SRGAP3: variants seen among roughly 807,000 people sequenced by gnomAD.
The protein encoded by SRGAP3 is SLIT-ROBO Rho GTPase activating protein 3.
In SRGAP3, 39 loss-of-function variants were observed where a neutral mutation model predicts 121.1. That is an observed-to-expected ratio of 0.32 (90% CI 0.25 to 0.42). The LOEUF (loss-of-function observed/expected upper bound fraction) is 0.42, where lower values mean the gene tolerates loss of function less well. Ranked by LOEUF, SRGAP3 falls within the 10% of genes least tolerant of loss-of-function variation. The pLI is 1.00. For synonymous variants in SRGAP3, 601 were observed against 570.0 expected (o/e 1.05, Z -0.77); for missense variants, 1,213 against 1,470.6 (o/e 0.82, Z 2.86).
intron 3 of SRGAP3, among the ~76,000 whole-genome samples, chr3:9,264,231 A>G (rs1053745762): frequency 6.6e-6 from 1 of 152,218 alleles, no homozygotes; most frequent in Non-Finnish European, 1.5e-5. Context: ...CAAAATAATA[A>G]GAGCTATTTA....
At chr3:9,026,856 T>G in intron 13 of SRGAP3, 79 bp downstream of exon 13, 1 of 1,508,564 alleles carries the variant, frequency 6.6e-7, no homozygotes. Context: ...CAGGACAAAT[T>G]AGAATCTCAT....
chr3:9,126,298 C>T (rs765222478), intron 1 of SRGAP3, among the ~76,000 whole-genome samples: 1 of 152,136 alleles, frequency 6.6e-6, no homozygotes. Context: ...CCCAAAATGT[C>T]GAGACATCTG....
At chr3:9,064,646 T>C (rs1343918994) in intron 4 of SRGAP3, 65 bp from the exon 5 acceptor site, 2 of 1,571,946 alleles carry the variant, frequency 1.3e-6, no homozygotes, top group African/African-American at 2.8e-5. Flanking sequence ...TCCCTGTTAC[T>C]CCTGGCTCCA....
At chr3:9,322,126 T>C (rs951164500) in intron 3 of SRGAP3, among the ~76,000 whole-genome samples, 3 of 151,716 alleles carry the variant, frequency 2.0e-5, no homozygotes, top group Admixed American at 1.3e-4. Flanking sequence ...AGGCTACTCA[T>C]TTAGCCTCTC....
intron 1 of SRGAP3, among the ~76,000 whole-genome samples, chr3:9,137,513 T>C (rs1351097744): frequency 6.6e-6 from 1 of 152,184 alleles, no homozygotes; most frequent in Non-Finnish European, 1.5e-5. Flanking sequence ...TTAATAATGA[T>C]GATGCTATCA....
At chr3:9,329,046 C>G (rs62244934) in intron 2 of SRGAP3, among the ~76,000 whole-genome samples, 42,924 of 152,038 alleles carry the variant, frequency 0.28, 7,137 homozygotes, top group East Asian at 0.54. Flanking sequence ...TGTTATGGAA[C>G]AGCTTGTTGG....
intron 1 of SRGAP3, among the ~76,000 whole-genome samples, chr3:9,154,403 A>G (rs1184185590): frequency 6.6e-6 from 1 of 152,112 alleles, no homozygotes; most frequent in African/African-American, 2.4e-5. Context: ...ATGAGACTCA[A>G]ATATCTCAGC....
chr3:9,069,898 G>A (rs1218777829), intron 4 of SRGAP3, among the ~76,000 whole-genome samples: 2 of 152,170 alleles, frequency 1.3e-5, no homozygotes, highest in African/African-American at 4.8e-5. Flanking sequence ...AGTGAGCCGA[G>A]ATTGTGCCAC....
intron 1 of SRGAP3, among the ~76,000 whole-genome samples, chr3:9,226,797 T>G (rs1438417873): frequency 6.6e-6 from 1 of 152,204 alleles, no homozygotes; most frequent in Non-Finnish European, 1.5e-5. Context: ...CAGATTGTTT[T>G]CAGAGGACCA....
intron 9 of SRGAP3, among the ~76,000 whole-genome samples, chr3:9,049,085 C>T (rs1945428418): frequency 6.6e-6 from 1 of 152,208 alleles, no homozygotes; most frequent in Non-Finnish European, 1.5e-5. Flanking sequence ...CCAGCCAGCA[C>T]ACTAAAAAGG....
intron 1 of SRGAP3, among the ~76,000 whole-genome samples, chr3:9,143,968 T>C (rs1044849853): frequency 5.9e-5 from 9 of 152,136 alleles, no homozygotes; most frequent in Non-Finnish European, 1.2e-4. Flanking sequence ...TCCACTGCCA[T>C]CATCCTAGTT....
chr3:9,197,063 A>G (rs113087216), intron 1 of SRGAP3, among the ~76,000 whole-genome samples: 84 of 152,342 alleles, frequency 5.5e-4, no homozygotes, highest in African/African-American at 1.9e-3. Flanking sequence ...CACGACAAGA[A>G]AAGCCACCTT....
Position 9,053,182 on chromosome 3 carries a change from T to C in SRGAP3, c.1168A>G (p.Met390Val), listed in dbSNP as rs201955539. ...ACATCAAAGTCCTCCACAGTCAGCA[T>C]GTCCTGTAATGTCTGCATGGTGGCA... ...LDATMQTLQD[M>V]LTVEDFDVSD... Residue 390 changes from methionine to valine, a missense_variant, in exon 9 of 22, where the codon ATG becomes GTG. Physicochemically the swap from Met to Val is conservative, Grantham distance 21. Transcript: ENST00000383836. 14 of 1,614,194 alleles carry C rather than the reference T, an allele frequency of 8.7e-6. No homozygotes were observed. The East Asian group carries it at 1.8e-4, about 21-fold the overall frequency.
intron 1 of SRGAP3, among the ~76,000 whole-genome samples, chr3:9,351,600 T>C (rs1287481425): frequency 6.6e-6 from 1 of 152,202 alleles, no homozygotes; most frequent in Non-Finnish European, 1.5e-5. Context: ...CGTAACAAAG[T>C]TTTAGTGAAT....
intron 2 of SRGAP3, among the ~76,000 whole-genome samples, chr3:9,113,369 A>C (rs73017431): frequency 6.6e-6 from 1 of 152,082 alleles, no homozygotes; most frequent in Non-Finnish European, 1.5e-5. Flanking sequence ...ACAGCACCCC[A>C]ATCTTTGCCT....
intron 1 of SRGAP3, among the ~76,000 whole-genome samples, chr3:9,213,354 C>G (rs389595): frequency 0.083 from 12,693 of 152,066 alleles, 1,569 homozygotes; most frequent in African/African-American, 0.27. Context: ...AACATTTGCC[C>G]CTGCCCACTT....
intron 3 of SRGAP3, among the ~76,000 whole-genome samples, chr3:9,270,095 C>T (rs1393081043): frequency 6.6e-6 from 1 of 152,108 alleles, no homozygotes; most frequent in Admixed American, 6.6e-5. Flanking sequence ...GCTGACATTG[C>T]TAGTCTGGAG....
chr3:9,282,986 G>T (rs1037102786), intron 3 of SRGAP3, among the ~76,000 whole-genome samples: 2 of 151,740 alleles, frequency 1.3e-5, no homozygotes, highest in Non-Finnish European at 2.9e-5. Context: ...ACTCAGGCTG[G>T]AGTGCAATGG....
chr3:9,002,982 A>C (rs1468033037), intron 18 of SRGAP3, among the ~76,000 whole-genome samples: 2 of 152,246 alleles, frequency 1.3e-5, no homozygotes, highest in African/African-American at 4.8e-5. Context: ...AGATGGCTAC[A>C]TTGTTGAATT....
Sources: allele counts gnomAD v4.1 joint callset (sites outside exome capture counted in the v4.1 genomes callset), GRCh38; gene constraint gnomAD v4.1.1; transcripts MANE v1.5; gene names NCBI Gene and HGNC (gene_info 2026-07-23, HGNC 2026-07-21).